Variants in HS3ST4 observed in about 807,000 individuals in gnomAD.
The protein encoded by HS3ST4 is heparan sulfate glucosamine 3-O-sulfotransferase 4.
Under a neutral mutation model 29.2 loss-of-function variants are expected in HS3ST4, and 17 were observed. The ratio of observed to expected loss-of-function variants is 0.58; its 90% CI spans 0.40 to 0.87. The LOEUF is 0.87. Among genes scored for constraint, HS3ST4 ranks in the 40% least tolerant of loss-of-function variants. HS3ST4 has a pLI of 0.00. For missense variants in HS3ST4, 627 were observed against 634.5 expected, an observed-to-expected ratio of 0.99 and a Z score of 0.13; for synonymous variants, 314 against 285.7, an observed-to-expected ratio of 1.10 and a Z score of -1.00.
chr16:25,760,423 G>GTTTTT (rs386384530), intron 1 of HS3ST4, among the ~76,000 whole-genome samples: 19 of 139,450 alleles, frequency 1.4e-4, no homozygotes, highest in African/African-American at 5.1e-4. Context: ...ATGACTCCAT[G>GTTTTT]TTTTTTTTTT....
chr16:25,711,471 C>A (rs1398621792), intron 1 of HS3ST4, among the ~76,000 whole-genome samples: 1 of 152,090 alleles, frequency 6.6e-6, no homozygotes, highest in Non-Finnish European at 1.5e-5. Context: ...TGCTGCTGAC[C>A]CTGCTGCTGC....
intron 1 of HS3ST4, among the ~76,000 whole-genome samples, chr16:25,839,138 C>T (rs1967389432): frequency 6.6e-6 from 1 of 152,148 alleles, no homozygotes; most frequent in Non-Finnish European, 1.5e-5. Flanking sequence ...TATATATCCT[C>T]CTTGGTATTG....
intron 1 of HS3ST4, chr16:25,825,886 G>A (rs1336645871): frequency 6.6e-6 from 1 of 152,216 alleles, no homozygotes; most frequent in African/African-American, 2.4e-5. Flanking sequence ...ATCACTCATG[G>A]AATAGTTGTG....
intron 1 of HS3ST4, among the ~76,000 whole-genome samples, chr16:26,038,922 A>G (rs1292199224): frequency 1.3e-5 from 2 of 151,916 alleles, no homozygotes; most frequent in Admixed American, 6.6e-5. Context: ...TGACCTCGTG[A>G]TCCACCCACC....
At chr16:25,896,594 A>G (rs1435257209) in intron 1 of HS3ST4, among the ~76,000 whole-genome samples, 1 of 152,196 alleles carries the variant, frequency 6.6e-6, no homozygotes. Flanking sequence ...GAGATTTCTC[A>G]AAGAACTGAG....
rs118111485 is a variant in HS3ST4, at chr16:26,030,042, C to T, written c.735-105570C>T. Among the ~76,000 whole-genome samples, 53 of 152,286 alleles carry T rather than the reference C, an allele frequency of 3.5e-4. 1 individual carries two copies. The East Asian group carries it at 0.01, about 29-fold the overall frequency. Reference sequence around the variant, plus strand: ...AGACCTGTCCAACTTGTGAGTGCACCGCATGGCAGCATGGGTCTAGGGACA... The same window carrying T: ...AGACCTGTCCAACTTGTGAGTGCACTGCATGGCAGCATGGGTCTAGGGACA... On this transcript the variant is annotated intron_variant, in intron 1 of 1. Coordinates refer to ENST00000331351, the MANE Select transcript of HS3ST4 (RefSeq NM_006040.3).
At chr16:25,878,588 A>C (rs1453283628) in intron 1 of HS3ST4, among the ~76,000 whole-genome samples, 1 of 152,198 alleles carries the variant, frequency 6.6e-6, no homozygotes, top group African/African-American at 2.4e-5. Context: ...GTAGGGAATG[A>C]AAACAAGCCA....
chr16:25,942,351 G>C (rs887070683), intron 1 of HS3ST4, among the ~76,000 whole-genome samples: 4 of 152,180 alleles, frequency 2.6e-5, no homozygotes, highest in Non-Finnish European at 5.9e-5. Flanking sequence ...AATGTTTGTT[G>C]AGCAATGAGT....
At chr16:25,871,680 C>CTG (rs1967753985) in intron 1 of HS3ST4, among the ~76,000 whole-genome samples, 3 of 152,196 alleles carry the variant, frequency 2.0e-5, no homozygotes, top group African/African-American at 7.2e-5. Context: ...ATAATAACTC[C>CTG]TGGATTCAGA....
chr16:25,763,722 A>C lies in HS3ST4; in HGVS notation c.734+70571A>C, dbSNP rs1966802472. Reference sequence around the variant, plus strand: ...ATTCATTGTGGACCCCAAAAGCAAGAGGGGCAAGAGGTGTGGCTAAAGACA... The same window carrying C: ...ATTCATTGTGGACCCCAAAAGCAAGCGGGGCAAGAGGTGTGGCTAAAGACA... On this transcript the variant is annotated intron_variant, in intron 1 of 1. Transcript: ENST00000331351. Among the ~76,000 whole-genome samples, 4 of 152,210 alleles carry C rather than the reference A, an allele frequency of 2.6e-5. 1 individual carries two copies. The highest frequency in any genetic ancestry group is 1.3e-4 in the Admixed American group (2 of 15,274).
At chr16:25,715,957 G>C (rs993164608) in intron 1 of HS3ST4, among the ~76,000 whole-genome samples, 1 of 152,218 alleles carries the variant, frequency 6.6e-6, no homozygotes, top group Admixed American at 6.5e-5. Context: ...ACCTCTCAAA[G>C]CTCCTCTTCC....
intron 1 of HS3ST4, among the ~76,000 whole-genome samples, chr16:25,895,429 A>T (rs1387034356): frequency 1.3e-5 from 2 of 152,100 alleles, no homozygotes; most frequent in Non-Finnish European, 2.9e-5. Context: ...GATCACTCTG[A>T]TAGATTTGTG....
chr16:25,966,586 G>A (rs1399358563), intron 1 of HS3ST4, among the ~76,000 whole-genome samples: 1 of 152,140 alleles, frequency 6.6e-6, no homozygotes, highest in Non-Finnish European at 1.5e-5. Context: ...GGGGCAGACT[G>A]ACTTTTGACT....
At chr16:25,898,250 G>A (rs12446144) in intron 1 of HS3ST4, among the ~76,000 whole-genome samples, 31,665 of 152,206 alleles carry the variant, frequency 0.21, 3,774 homozygotes, top group Middle Eastern at 0.31. Context: ...AACTGAAAAT[G>A]ACTTTAGTAG....
intron 1 of HS3ST4, among the ~76,000 whole-genome samples, chr16:26,129,087 T>G (rs1899384507): frequency 6.6e-6 from 1 of 152,212 alleles, no homozygotes; most frequent in Non-Finnish European, 1.5e-5. Flanking sequence ...TCCGGGTGAT[T>G]GCTTTCTCCT....
intron 1 of HS3ST4, among the ~76,000 whole-genome samples, chr16:25,820,267 T>C (rs1319644876): frequency 1.3e-5 from 2 of 152,056 alleles, no homozygotes; most frequent in Non-Finnish European, 2.9e-5. Flanking sequence ...CAAGCCTGGG[T>C]AGGGCCTCTG....
intron 1 of HS3ST4, among the ~76,000 whole-genome samples, chr16:26,096,548 C>T (rs1296487051): frequency 1.3e-5 from 2 of 152,148 alleles, no homozygotes; most frequent in African/African-American, 4.8e-5. Context: ...TCCACAGCAC[C>T]TTTATGCTAA....
At chr16:25,753,398 A>G (rs1337824443) in intron 1 of HS3ST4, among the ~76,000 whole-genome samples, 6 of 152,204 alleles carry the variant, frequency 3.9e-5, no homozygotes, top group Non-Finnish European at 8.8e-5. Flanking sequence ...GTCTCATAAC[A>G]TTAGTGATTG....
At chr16:25,815,570 C>T (rs1292024254) in intron 1 of HS3ST4, among the ~76,000 whole-genome samples, 1 of 152,102 alleles carries the variant, frequency 6.6e-6, no homozygotes, top group African/African-American at 2.4e-5. Context: ...GTGATCCACC[C>T]CCTTGACCCC....
Sources: allele counts gnomAD v4.1 joint callset (sites outside exome capture counted in the v4.1 genomes callset), GRCh38; gene constraint gnomAD v4.1.1; transcripts MANE v1.5; gene names NCBI Gene and HGNC (gene_info 2026-07-23, HGNC 2026-07-21).